Variants in OSBPL8 observed in about 807,000 individuals in gnomAD.
OSBPL8 encodes the protein oxysterol binding protein like 8, also known as oxysterol-binding protein-related protein 8.
In OSBPL8, 59 loss-of-function variants were observed where a neutral mutation model predicts 125.5. The ratio of observed to expected loss-of-function variants is 0.47; its 90% CI spans 0.38 to 0.58. The LOEUF is 0.58. Ranked by LOEUF, OSBPL8 falls within the 20% of genes least tolerant of loss-of-function variation. The pLI, the probability that OSBPL8 is intolerant of heterozygous loss-of-function variation, is 0.00. For synonymous variants in OSBPL8, 330 were observed against 338.9 expected (o/e 0.97, Z 0.29); for missense variants, 758 against 1,047.8 (o/e 0.72, Z 3.82).
At chr12:76,486,533 A>G (rs1592769920) in intron 2 of OSBPL8, among the ~76,000 whole-genome samples, 1 of 152,208 alleles carries the variant, frequency 6.6e-6, no homozygotes, top group South Asian at 2.1e-4. Flanking sequence ...ATGCAACAAG[A>G]GAATTGAAAA....
intron 12 of OSBPL8, 137 bp from the exon 13 acceptor site, chr12:76,386,797 G>T: frequency 1.7e-6 from 1 of 577,648 alleles, no homozygotes; most frequent in Non-Finnish European, 3.0e-6. Context: ...AAACAACCAT[G>T]TAATCAATTT....
chr12:76,453,138 A>C (rs1592709075), intron 3 of OSBPL8, among the ~76,000 whole-genome samples: 1 of 152,244 alleles, frequency 6.6e-6, no homozygotes, highest in Non-Finnish European at 1.5e-5. Flanking sequence ...TAGACATTAA[A>C]TTCCATGAGA....
intron 7 of OSBPL8, among the ~76,000 whole-genome samples, chr12:76,399,648 AC>A (rs764280494): frequency 1.3e-5 from 2 of 152,186 alleles, no homozygotes; most frequent in Non-Finnish European, 2.9e-5. Context: ...AAAGAACTAT[AC>A]TGTATGTAAT....
intron 2 of OSBPL8, among the ~76,000 whole-genome samples, chr12:76,465,822 A>G (rs1346249045): frequency 6.6e-6 from 1 of 151,980 alleles, no homozygotes; most frequent in Non-Finnish European, 1.5e-5. Context: ...CCTGGCCAAC[A>G]TGGTGAAACC....
At chr12:76,414,310 T>C (rs922200672) in intron 4 of OSBPL8, among the ~76,000 whole-genome samples, 1 of 152,070 alleles carries the variant, frequency 6.6e-6, no homozygotes, top group Non-Finnish European at 1.5e-5. Context: ...AAACTGTCAA[T>C]ATTTAACCAT....
At chr12:76,481,526 A>G (rs1877490320) in intron 2 of OSBPL8, among the ~76,000 whole-genome samples, 1 of 152,134 alleles carries the variant, frequency 6.6e-6, no homozygotes, top group Non-Finnish European at 1.5e-5. Context: ...GCTACTCTGG[A>G]GGCTGAGGTG....
chr12:76,427,674 T>C (rs1374319779), intron 4 of OSBPL8, among the ~76,000 whole-genome samples: 1 of 152,074 alleles, frequency 6.6e-6, no homozygotes, highest in Non-Finnish European at 1.5e-5. Flanking sequence ...TCAGAATTAC[T>C]TATAATCACT....
intron 4 of OSBPL8, among the ~76,000 whole-genome samples, chr12:76,440,504 T>C (rs1269475567): frequency 6.6e-6 from 1 of 152,198 alleles, no homozygotes; most frequent in African/African-American, 2.4e-5. Flanking sequence ...CAGGCACTTG[T>C]GTATACTAAT....
chr12:76,416,027 G>C (rs1057359512), intron 4 of OSBPL8, among the ~76,000 whole-genome samples: 1 of 151,684 alleles, frequency 6.6e-6, no homozygotes, highest in African/African-American at 2.4e-5. Flanking sequence ...TCTCCCTTCT[G>C]TTTCTAAAAT....
In OSBPL8 at chr12:76,397,886, A is replaced by G. The variant is rs1402585782; in HGVS notation, c.480T>C (p.Thr160=). Residue 160 remains threonine, a synonymous_variant, in exon 8 of 24, where the codon ACT becomes ACC. Transcript: ENST00000261183. ...ACCATAACTTGGTCCAGCTCTTTAG[A>G]GTACCACGAATCTACAGAAAGATAA... ...VMADWLKIRG[T]LKSWTKLWCV... The G allele has an allele frequency of 1.2e-6, 2 of 1,613,732 alleles. No homozygotes were observed. The highest frequency in any genetic ancestry group is 2.2e-5 in the East Asian group (1 of 44,862).
intron 1 of OSBPL8, among the ~76,000 whole-genome samples, chr12:76,548,342 T>C (rs1460628731): frequency 6.6e-6 from 1 of 152,074 alleles, no homozygotes; most frequent in Non-Finnish European, 1.5e-5. Context: ...TGGGAACCAA[T>C]ACGTCTGAGA....
chr12:76,402,738 T>C lies in OSBPL8; in HGVS notation c.317A>G (p.Glu106Gly). The C allele has an allele frequency of 1.2e-6, 2 of 1,607,104 alleles. No homozygotes were observed. Among genetic ancestry groups the C allele is most frequent in the Non-Finnish European group, 1.7e-6 (2 of 1,174,214 alleles). The change falls in exon 6 of 24, where the codon GAG (glutamate) becomes GGG (glycine). Residue 106 changes from glutamate to glycine, a missense_variant. Around this residue, in one of 3 missense-constraint regions of OSBPL8, gnomAD observed 117 missense variants for 137.1 expected, o/e 0.85. Transcript: ENST00000261183. ...KSESKLYNGS[E>G]KDSSTSSKLT... ...TTTGCTTGAAGTTGAACTGTCCTTC[T>C]CTGAGCCATTATAAAGTTTAGATTC...
At chr12:76,384,375 ATATATAAAATATAAAAACATGTT>A (rs1953204713) in intron 14 of OSBPL8, 25 bp from the exon 15 acceptor site, 1 of 1,174,310 alleles carries the variant, frequency 8.5e-7, no homozygotes. Context: ...AAAAACATGC[ATATATAAAATATAAAAACATGTT>A]TATATAAAAT....
intron 1 of OSBPL8, among the ~76,000 whole-genome samples, chr12:76,503,539 TG>T (rs1176567037): frequency 2.6e-5 from 4 of 152,154 alleles, no homozygotes; most frequent in East Asian, 1.9e-4. Context: ...ATAACAAGTA[TG>T]TTTTTTTTTA....
chr12:76,431,632 A>G (rs956204215), intron 4 of OSBPL8, among the ~76,000 whole-genome samples: 15 of 152,186 alleles, frequency 9.9e-5, no homozygotes, highest in African/African-American at 3.6e-4. Context: ...AAAATGGACT[A>G]TAAGTCAAAA....
At chr12:76,473,062 G>A (rs1190004107) in intron 2 of OSBPL8, among the ~76,000 whole-genome samples, 1 of 152,102 alleles carries the variant, frequency 6.6e-6, no homozygotes, top group East Asian at 1.9e-4. Context: ...CTAGACCAAG[G>A]AGCCCTCTGG....
chr12:76,477,469 C>T (rs567267111), intron 2 of OSBPL8, among the ~76,000 whole-genome samples: 1 of 152,224 alleles, frequency 6.6e-6, no homozygotes, highest in African/African-American at 2.4e-5. Context: ...TCATGAAAAA[C>T]ATATCAAACA....
At chr12:76,457,564 G>C (rs539839431) in intron 3 of OSBPL8, among the ~76,000 whole-genome samples, 1 of 152,116 alleles carries the variant, frequency 6.6e-6, no homozygotes, top group Non-Finnish European at 1.5e-5. Flanking sequence ...AAGTGGACTC[G>C]TGTAGTTAAA....
chr12:76,447,412 T>C (rs1180656841), intron 4 of OSBPL8, among the ~76,000 whole-genome samples: 2 of 152,210 alleles, frequency 1.3e-5, no homozygotes, highest in African/African-American at 4.8e-5. Context: ...TAGCTAGATA[T>C]AATCGAGCCT....
Sources: gnomAD v4.1 joint callset for allele counts (sites outside exome capture counted in the v4.1 genomes callset) on GRCh38, gnomAD v4.1.1 for gene constraint, gnomAD v4.1.1 regional missense constraint, MANE v1.5 for transcripts, NCBI Gene and HGNC (gene_info 2026-07-23, HGNC 2026-07-21) for gene names.